Variants in HAGH observed in about 807,000 individuals in gnomAD.
HAGH encodes the protein hydroxyacylglutathione hydrolase, mitochondrial.
HAGH carries 29 observed loss-of-function variants against 35.1 expected under a neutral mutation model. That is an observed-to-expected ratio of 0.83 (90% CI 0.62 to 1.13). The LOEUF is 1.13. HAGH is among the 50% of genes most tolerant of loss of function. HAGH has a pLI of 0.00. For synonymous variants in HAGH, 225 were observed against 176.1 expected (o/e 1.28, Z -2.20); for missense variants, 478 against 419.6 (o/e 1.14, Z -1.22).
rs56316151 is a variant in HAGH, at chr16:1,819,146, G to C, written c.510C>G (p.Pro170=). The change falls in exon 5 of 9, where the codon CCC becomes CCG. Residue 170 remains proline, a synonymous_variant. Transcript: ENST00000397356. ...ACACGGCAGGGGGCTCCGAGCCTCC[G>C]GGCTTGCTCACGAAGTAACAAATGT... ...SGHICYFVSK[P]GGSEPPAVFT... The C allele has an allele frequency of 1.9e-6, 3 of 1,612,814 alleles. No individual in the cohort carries two copies. Among genetic ancestry groups the C allele is most frequent in the Non-Finnish European group, 1.7e-6 (2 of 1,179,324 alleles).
chr16:1,813,150 C>T (rs73485876), intron 7 of HAGH, among the ~76,000 whole-genome samples: 5,262 of 152,234 alleles, frequency 0.035, 316 homozygotes, highest in African/African-American at 0.12. Context: ...CCTTTGTGAA[C>T]GGCTTGGTGC....
intron 5 of HAGH, chr16:1,818,699 C>A (rs1339811984): frequency 1.2e-5 from 2 of 169,596 alleles, no homozygotes; most frequent in Admixed American, 6.2e-5. Flanking sequence ...ATATGACCTC[C>A]ACAGGTGGCT....
intron 7 of HAGH, among the ~76,000 whole-genome samples, chr16:1,812,956 A>G (rs990334018): frequency 2.0e-5 from 3 of 152,146 alleles, no homozygotes; most frequent in African/African-American, 7.2e-5. Context: ...GAAAGCAAAC[A>G]CCACAAGCAC....
chr16:1,809,578 G>A (rs1298873002), intron 8 of HAGH, 176 bp downstream of exon 8: 4 of 673,808 alleles, frequency 5.9e-6, no homozygotes, highest in Non-Finnish European at 7.8e-6. Context: ...CCCGGCCAAG[G>A]TGCCAGGAAA....
intron 3 of HAGH, 21 bp from the exon 4 acceptor site, chr16:1,820,035 CTGGG>C: frequency 6.8e-7 from 1 of 1,476,684 alleles, no homozygotes; most frequent in Non-Finnish European, 9.4e-7. Flanking sequence ...AACAGGAGAC[CTGGG>C]CTGCCTGCTG....
rs35567844 is a variant in HAGH, at chr16:1,808,591, G to GC, written c.*691dup. ...CTGGGATCACAGGCTTAGCCACCAC[G>GC]CCCAGCCCTAAATTTCAGATTAGCC... is the stretch of plus-strand genomic sequence containing the variant. On this transcript the variant is annotated 3_prime_UTR_variant, in exon 9 of 9. Transcript: ENST00000397356. 0.77 allele frequency: 117,498 copies of GC among 152,000 alleles called. 45,521 individuals are homozygous for GC. The highest frequency in any genetic ancestry group is 0.86 in the Middle Eastern group (252 of 294). 9.4% of individuals were successfully genotyped at this position (152,000 alleles called of 1,614,324 possible). A position where few individuals can be genotyped will look rare whatever the true frequency, so the allele number is the denominator to read the frequency against.
Position 1,817,225 on chromosome 16 carries a change from A to G in HAGH, c.588T>C (p.Thr196=), listed in dbSNP as rs770684421. The G allele has an allele frequency of 5.0e-6, 8 of 1,613,604 alleles. No homozygotes were observed. The highest frequency in any genetic ancestry group is 2.5e-6 in the Non-Finnish European group (3 of 1,179,652). ...GCAGAGCTTTACACATCTCATCCGC[A>G]GTCCCTTCATAGAACTTCCCGCAGC... ...VAGCGKFYEG[T]ADEMCKALLE... Residue 196 remains threonine (T), a synonymous_variant, in exon 6 of 9, where the codon ACT becomes ACC. Transcript: ENST00000397356.
At chr16:1,817,631 C>G (rs1340978183) in intron 5 of HAGH, among the ~76,000 whole-genome samples, 1 of 152,236 alleles carries the variant, frequency 6.6e-6, no homozygotes, top group Non-Finnish European at 1.5e-5. Context: ...TCCCTTGGCC[C>G]CAGCAGCCAG....
At chr16:1,826,430 C>T (rs997706885) in intron 1 of HAGH, 3 of 413,356 alleles carry the variant, frequency 7.3e-6, no homozygotes, top group Non-Finnish European at 9.7e-6. Context: ...GGACGCGATG[C>T]CCTGGAGGCG....
chr16:1,822,946 G>A lies in HAGH; in HGVS notation c.168C>T (p.Ala56=), dbSNP rs1596940165. 6.2e-7 allele frequency: 1 copy of A among 1,613,630 alleles called. No homozygotes were observed. Among genetic ancestry groups the A allele is most frequent in the South Asian group, 1.1e-5 (1 of 91,084 alleles). ...EGTMKVEVLP[A]LTDNYMYLVI... ...CCAGGTACATGTAGTTGTCGGTCAG[G>A]GCAGGCAGCACCTCTACCTTCATGG... The change falls in exon 2 of 9, where the codon GCC becomes GCT. Residue 56 remains alanine, a synonymous_variant. Coordinates refer to ENST00000397356, the MANE Select transcript of HAGH (RefSeq NM_005326.6).
At chr16:1,822,095 C>T in intron 3 of HAGH, 1 of 581,250 alleles carries the variant, frequency 1.7e-6, no homozygotes, top group East Asian at 2.8e-5. Context: ...CTTCTCCCCT[C>T]ACCCTCGGGG....
At chr16:1,816,803 G>A (rs1188575633) in intron 7 of HAGH, 90 bp downstream of exon 7, 1 of 788,860 alleles carries the variant, frequency 1.3e-6, no homozygotes, top group Non-Finnish European at 2.2e-6. Context: ...GGCTCAGAGT[G>A]TGAGTGTCTA....
At position 1,812,147 on chromosome 16, in the gene HAGH, GCCACTGCAC is replaced by G. The variant is rs549742497; in HGVS notation, c.748-2323_748-2315del. ...GGAGGTTGCAGTGAGCCGAGATTGT[GCCACTGCAC>G]TCCAGCCTGGGCAGCAGAGCAAGAC... On this transcript the variant is annotated intron_variant, in intron 7 of 8. Coordinates refer to ENST00000397356, the MANE Select transcript of HAGH (RefSeq NM_005326.6). Among the ~76,000 whole-genome samples the G allele has an allele frequency of 2.2e-3, 312 of 141,956 alleles. 1 individual carries two copies. The highest frequency in any genetic ancestry group is 7.8e-3 in the African/African-American group (294 of 37,494). The allele number at this position is 141,956 out of a possible 152,430, so 93.1% of individuals were successfully genotyped here.
At chr16:1,809,660 A>G in intron 8 of HAGH, 94 bp downstream of exon 8, 2 of 926,870 alleles carry the variant, frequency 2.2e-6, no homozygotes, top group Non-Finnish European at 3.5e-6. Context: ...AGGCAGCCTC[A>G]GCCATCTGGG....
intron 5 of HAGH, chr16:1,818,829 G>A (rs1898020164): frequency 9.3e-6 from 4 of 429,604 alleles, no homozygotes; most frequent in African/African-American, 6.0e-5. Flanking sequence ...TCGCCCTGCT[G>A]GAAGAAACTG....
chr16:1,814,930 TACACACACAC>T (rs4027423), intron 7 of HAGH, among the ~76,000 whole-genome samples: 231 of 140,728 alleles, frequency 1.6e-3, no homozygotes, highest in African/African-American at 5.8e-3. Context: ...TATATGTATA[TACACACACAC>T]ACACACACAC....
At chr16:1,810,038 A>C (rs1306474540) in intron 7 of HAGH, 1 of 575,046 alleles carries the variant, frequency 1.7e-6, no homozygotes, top group Non-Finnish European at 3.1e-6. Context: ...GGTGGCAGGC[A>C]CCTGTGGTCC....
At chr16:1,810,309 C>G (rs931731588) in intron 7 of HAGH, 4 of 163,884 alleles carry the variant, frequency 2.4e-5, no homozygotes, top group Non-Finnish European at 5.3e-5. Flanking sequence ...ATCCGCCTTC[C>G]CGCACCGGCC....
At chr16:1,826,645 C>T (rs1268333153) in intron 1 of HAGH, 67 bp downstream of exon 1, 1 of 965,030 alleles carries the variant, frequency 1.0e-6, no homozygotes, top group South Asian at 4.6e-5. Context: ...AACGACGGCC[C>T]GGCGCCGCCC....
Sources: allele counts gnomAD v4.1 joint callset (sites outside exome capture counted in the v4.1 genomes callset), GRCh38; gene constraint gnomAD v4.1.1; transcripts MANE v1.5; gene names NCBI Gene and HGNC (gene_info 2026-07-23, HGNC 2026-07-21).